The following PEX14 variants were observed in gnomAD, a reference collection of about 807,000 sequenced individuals.
The protein encoded by PEX14 is peroxisomal biogenesis factor 14.
In PEX14, 15 loss-of-function variants were observed where a neutral mutation model predicts 49.5. That is an observed-to-expected ratio of 0.30 (90% confidence interval 0.20 to 0.47). The LOEUF (loss-of-function observed/expected upper bound fraction) is 0.47, where lower values mean the gene tolerates loss of function less well. Among genes scored for constraint, PEX14 ranks in the 20% least tolerant of loss-of-function variants. The probability of loss-of-function intolerance (pLI) is 1.00; values close to 1 mark genes in which losing one functional copy is unlikely to be tolerated. For synonymous variants in PEX14, 210 were observed against 212.7 expected, an observed-to-expected ratio of 0.99 and a Z score of 0.11; for missense variants, 398 against 494.8, an observed-to-expected ratio of 0.80 and a Z score of 1.86.
At chr1:10,503,152 G>C in intron 2 of PEX14, among the ~76,000 whole-genome samples, 1 of 151,626 alleles carries the variant, frequency 6.6e-6, no homozygotes, top group East Asian at 2.0e-4. Context: ...AGAGGGAAAA[G>C]TTCTGTTTCC....
chr1:10,616,328 C>T (rs1641415450), intron 4 of PEX14, among the ~76,000 whole-genome samples: 1 of 152,166 alleles, frequency 6.6e-6, no homozygotes, highest in Non-Finnish European at 1.5e-5. Flanking sequence ...CCCCTGTGGT[C>T]ATAAAACGCC....
At chr1:10,580,773 C>T (rs1309878219) in intron 3 of PEX14, among the ~76,000 whole-genome samples, 1 of 150,820 alleles carries the variant, frequency 6.6e-6, no homozygotes, top group Non-Finnish European at 1.5e-5. Flanking sequence ...CCGAACATTC[C>T]TAGCTGTTCT....
intron 1 of PEX14, among the ~76,000 whole-genome samples, chr1:10,491,273 A>G (rs1010620092): frequency 6.6e-6 from 1 of 152,118 alleles, no homozygotes; most frequent in Non-Finnish European, 1.5e-5. Flanking sequence ...GGTGGCTCAC[A>G]TTTGTATTCC....
At chr1:10,584,362 G>T (rs1422995504) in intron 3 of PEX14, among the ~76,000 whole-genome samples, 1 of 152,186 alleles carries the variant, frequency 6.6e-6, no homozygotes, top group East Asian at 1.9e-4. Context: ...TATGAATCAA[G>T]TTCAGAGGAA....
intron 2 of PEX14, among the ~76,000 whole-genome samples, chr1:10,530,289 G>T (rs773920111): frequency 6.6e-6 from 1 of 152,206 alleles, no homozygotes; most frequent in Non-Finnish European, 1.5e-5. Context: ...TGTTGAACCA[G>T]CCCGTGATAT....
intron 6 of PEX14, 84 bp from the exon 7 acceptor site, chr1:10,624,256 G>A (rs1641679797): frequency 1.1e-6 from 1 of 872,372 alleles, no homozygotes; most frequent in African/African-American, 1.6e-5. Context: ...CGGGAACACG[G>A]GCAGCTCCGA....
intron 3 of PEX14, among the ~76,000 whole-genome samples, chr1:10,578,690 G>A (rs1045145274): frequency 4.6e-5 from 7 of 152,078 alleles, no homozygotes; most frequent in Non-Finnish European, 8.8e-5. Context: ...TGGGAGAAAG[G>A]GTAAAGAGGT....
At chr1:10,550,316 A>AAATGAGAGTGACATTTTATAGCTTCC in intron 3 of PEX14, among the ~76,000 whole-genome samples, 1 of 152,238 alleles carries the variant, frequency 6.6e-6, no homozygotes, top group South Asian at 2.1e-4. Context: ...CAGTGAGTGA[A>AAATGAGAGTGACATTTTATAGCTTCC]AATGAGAGTG....
At chr1:10,581,614 ATTC>A (rs1365251853) in intron 3 of PEX14, among the ~76,000 whole-genome samples, 2 of 151,762 alleles carry the variant, frequency 1.3e-5, no homozygotes, top group Admixed American at 1.3e-4. Context: ...AATCCTTGTT[ATTC>A]TTATTTGTGC....
intron 2 of PEX14, among the ~76,000 whole-genome samples, chr1:10,528,951 A>G (rs1299081352): frequency 1.3e-5 from 2 of 152,172 alleles, no homozygotes; most frequent in Non-Finnish European, 2.9e-5. Context: ...TATGAAGGCT[A>G]TTACAGTTTC....
At chr1:10,574,032 G>A (rs1640054536) in intron 3 of PEX14, among the ~76,000 whole-genome samples, 1 of 152,202 alleles carries the variant, frequency 6.6e-6, no homozygotes, top group Non-Finnish European at 1.5e-5. Context: ...AACCTGGGAG[G>A]TGGAGGTTGC....
chr1:10,609,767 C>A lies in PEX14; in HGVS notation c.299-8565C>A, dbSNP rs112349569. The stretch of plus-strand genomic sequence containing the variant: ...GGCCGTGGTGGCGGGCGCCTGTAAT[C>A]CCAGCTACTCGAGAGGATGAGGCAG... On this transcript the variant is annotated intron_variant, in intron 4 of 8. Coordinates refer to ENST00000356607, the MANE Select transcript of PEX14 (RefSeq NM_004565.3). Among the ~76,000 whole-genome samples the A allele has an allele frequency of 6.2e-3, 948 of 152,190 alleles. 14 individuals carry two copies. The highest frequency in any genetic ancestry group is 0.022 in the African/African-American group (913 of 41,524).
intron 4 of PEX14, among the ~76,000 whole-genome samples, chr1:10,603,072 A>G (rs926304677): frequency 6.6e-6 from 1 of 152,214 alleles, no homozygotes; most frequent in Non-Finnish European, 1.5e-5. Flanking sequence ...GCTCAGTGGC[A>G]GGTGTGCCAC....
chr1:10,535,819 G>A (rs146671139), intron 2 of PEX14: 14 of 352,554 alleles, frequency 4.0e-5, no homozygotes, highest in African/African-American at 2.6e-4. Context: ...GTGGGGTAAC[G>A]TTTAGACAGG....
At chr1:10,564,752 G>A (rs1639753669) in intron 3 of PEX14, among the ~76,000 whole-genome samples, 1 of 151,482 alleles carries the variant, frequency 6.6e-6, no homozygotes, top group African/African-American at 2.4e-5. Context: ...TTTAAGTTTA[G>A]TTTTCTAGTA....
At chr1:10,487,330 T>G (rs1219285150) in intron 1 of PEX14, among the ~76,000 whole-genome samples, 3 of 122,598 alleles carry the variant, frequency 2.4e-5, no homozygotes, top group African/African-American at 1.4e-4. Flanking sequence ...AGTTTGGCAG[T>G]TTTTTTTTTT....
At chr1:10,483,554 A>G (rs1021111465) in intron 1 of PEX14, among the ~76,000 whole-genome samples, 21 of 149,276 alleles carry the variant, frequency 1.4e-4, no homozygotes, top group African/African-American at 5.4e-4. Context: ...TGACCTCATG[A>G]TCCACCCGCC....
chr1:10,506,806 T>C (rs1641791098), intron 2 of PEX14, among the ~76,000 whole-genome samples: 1 of 152,184 alleles, frequency 6.6e-6, no homozygotes, highest in Admixed American at 6.5e-5. Flanking sequence ...GGCTGTGTTA[T>C]GGGTAGGGTT....
chr1:10,599,324 G>A lies in PEX14; in HGVS notation c.256G>A (p.Val86Met). The change falls in exon 4 of 9, where the codon GTG (valine) becomes ATG (methionine). Residue 86 changes from valine to methionine, a missense_variant. By Grantham distance (21) the Val-to-Met change is conservative (BLOSUM62 1). Around this residue, in one of 3 missense-constraint regions of PEX14, gnomAD observed 202 missense variants for 298.5 expected, o/e 0.68. Transcript: ENST00000356607. ...TTCGTCCTTGGGCCCAGCCACACAGGTGGTTCCTGTCCAGCCCCCTCACCT... is the reference window on the plus strand; with the variant it reads ...TTCGTCCTTGGGCCCAGCCACACAGATGGTTCCTGTCCAGCCCCCTCACCT... ...EPSSLGPATQVVPVQPPHLIS... is the reference protein window; with the variant it reads ...EPSSLGPATQMVPVQPPHLIS... The A allele has an allele frequency of 1.2e-6, 2 of 1,614,180 alleles. No individual in the cohort carries two copies. Among genetic ancestry groups the A allele is most frequent in the South Asian group, 2.2e-5 (2 of 91,082 alleles).
Sources: gnomAD v4.1 joint callset for allele counts (sites outside exome capture counted in the v4.1 genomes callset) on GRCh38, gnomAD v4.1.1 for gene constraint, gnomAD v4.1.1 regional missense constraint, MANE v1.5 for transcripts, NCBI Gene and HGNC (gene_info 2026-07-23, HGNC 2026-07-21) for gene names.